IMMP1L: variants seen among roughly 807,000 people sequenced by gnomAD.
IMMP1L encodes mitochondrial inner membrane protease subunit 1.
Under a neutral mutation model 21.8 loss-of-function variants are expected in IMMP1L, and 24 were observed. The observed-to-expected ratio is 1.10, with a 90% confidence interval of 0.80 to 1.55. IMMP1L has a LOEUF of 1.55. Ranked by LOEUF, IMMP1L falls within the 40% of genes most tolerant of loss-of-function variation. IMMP1L has a pLI of 0.00. For missense variants in IMMP1L, 195 were observed against 200.7 expected (o/e 0.97, Z 0.17); for synonymous variants, 46 against 62.8 (o/e 0.73, Z 1.26).
At chr11:31,471,465 T>C (rs1357887882) in intron 1 of IMMP1L, among the ~76,000 whole-genome samples, 2 of 152,176 alleles carry the variant, frequency 1.3e-5, no homozygotes, top group Non-Finnish European at 2.9e-5. Flanking sequence ...TGTTCCATCT[T>C]AAAGATGCTA....
At chr11:31,507,224 G>C (rs932990906) in intron 1 of IMMP1L, among the ~76,000 whole-genome samples, 1 of 147,446 alleles carries the variant, frequency 6.8e-6, no homozygotes, top group African/African-American at 2.5e-5. Flanking sequence ...AGCTTGCAGT[G>C]AGCCGAGATC....
intron 1 of IMMP1L, among the ~76,000 whole-genome samples, chr11:31,490,077 T>C (rs1251027096): frequency 6.6e-6 from 1 of 152,114 alleles, no homozygotes; most frequent in Non-Finnish European, 1.5e-5. Context: ...AAGAGGTAAT[T>C]TAGGATCTTA....
At chr11:31,455,349 T>C (rs1953906300) in intron 4 of IMMP1L, among the ~76,000 whole-genome samples, 2 of 152,186 alleles carry the variant, frequency 1.3e-5, no homozygotes, top group South Asian at 4.1e-4. Context: ...AATTAAGCTA[T>C]AATTATTCAA....
chr11:31,482,077 T>A (rs1319149433), intron 1 of IMMP1L, among the ~76,000 whole-genome samples: 1 of 152,014 alleles, frequency 6.6e-6, no homozygotes, highest in East Asian at 1.9e-4. Flanking sequence ...GCACATAAGG[T>A]GAACATGAAT....
chr11:31,448,775 A>G (rs765479676), intron 4 of IMMP1L, among the ~76,000 whole-genome samples: 1 of 152,238 alleles, frequency 6.6e-6, no homozygotes, highest in African/African-American at 2.4e-5. Flanking sequence ...CTAAGCTCAA[A>G]TTATTCTGAA....
chr11:31,438,378 A>G lies in IMMP1L; in HGVS notation c.322-4808T>C, dbSNP rs568334142. On this transcript the variant is annotated intron_variant, in intron 4 of 5. Transcript: ENST00000532287. ...TTAAAATATGTTGGCCATTTTAAAAATGGGTTATCTTCTTATTCATTGTAC... is the reference window on the plus strand; with the variant it reads ...TTAAAATATGTTGGCCATTTTAAAAGTGGGTTATCTTCTTATTCATTGTAC... Among the ~76,000 whole-genome samples the G allele has an allele frequency of 1.1e-4, 17 of 152,296 alleles. No individual in the cohort carries two copies. The South Asian group carries it at 2.9e-3, about 26-fold the overall frequency.
chr11:31,434,583 A>G (rs1395896336), intron 4 of IMMP1L, among the ~76,000 whole-genome samples: 1 of 152,156 alleles, frequency 6.6e-6, no homozygotes, highest in Non-Finnish European at 1.5e-5. Context: ...ACTGGGTTTA[A>G]TAAGAGATAA....
intron 4 of IMMP1L, among the ~76,000 whole-genome samples, chr11:31,455,421 A>C (rs545781550): frequency 6.6e-6 from 1 of 152,332 alleles, no homozygotes; most frequent in African/African-American, 2.4e-5. Context: ...TCTGTTACAG[A>C]AGCCATGTGA....
At chr11:31,451,497 A>G (rs1473333726) in intron 4 of IMMP1L, among the ~76,000 whole-genome samples, 2 of 152,168 alleles carry the variant, frequency 1.3e-5, no homozygotes, top group Admixed American at 6.5e-5. Flanking sequence ...GATTGGATGT[A>G]GGGTGAAAGA....
chr11:31,506,230 T>A (rs1955774971), intron 1 of IMMP1L, among the ~76,000 whole-genome samples: 1 of 126,646 alleles, frequency 7.9e-6, no homozygotes, highest in Non-Finnish European at 1.6e-5. Flanking sequence ...ATATAACTTT[T>A]TTTTTTTTTT....
At chr11:31,452,149 T>C (rs888108058) in intron 4 of IMMP1L, 1 of 821,430 alleles carries the variant, frequency 1.2e-6, no homozygotes, top group East Asian at 1.2e-4. Flanking sequence ...GTGGAGTAAC[T>C]ATACACAACT....
intron 1 of IMMP1L, chr11:31,473,804 A>G (rs2133720251): frequency 1.0e-6 from 1 of 975,562 alleles, no homozygotes; most frequent in African/African-American, 1.8e-5. Flanking sequence ...AAGAGAAAGC[A>G]TTTCGTTTCA....
At chr11:31,453,162 AAAAC>A (rs1461150648) in intron 4 of IMMP1L, 15 of 1,210,474 alleles carry the variant, frequency 1.2e-5, no homozygotes, top group East Asian at 5.7e-5. Flanking sequence ...TCTGGAATGG[AAAAC>A]AAACAAACAA....
chr11:31,506,892 G>T (rs1412310358), intron 1 of IMMP1L, among the ~76,000 whole-genome samples: 2 of 151,130 alleles, frequency 1.3e-5, no homozygotes, highest in African/African-American at 4.9e-5. Flanking sequence ...CCCAGGAGGC[G>T]GAGGTTGCAG....
intron 4 of IMMP1L, among the ~76,000 whole-genome samples, chr11:31,436,771 C>G (rs1953135629): frequency 6.6e-6 from 1 of 152,036 alleles, no homozygotes; most frequent in African/African-American, 2.4e-5. Flanking sequence ...AGAAAGGAAT[C>G]TTCTAAAAAA....
At chr11:31,485,904 G>A (rs911486488) in intron 1 of IMMP1L, among the ~76,000 whole-genome samples, 1 of 151,798 alleles carries the variant, frequency 6.6e-6, no homozygotes, top group African/African-American at 2.4e-5. Context: ...AATGTATTCT[G>A]TTTAAGAGAA....
At chr11:31,469,718 A>G (rs1412625566) in intron 1 of IMMP1L, 1 of 152,260 alleles carries the variant, frequency 6.6e-6, no homozygotes, top group East Asian at 1.9e-4. Flanking sequence ...CTTAACTCAC[A>G]AACTCAAGAA....
At chr11:31,472,382 G>A (rs780158410) in intron 1 of IMMP1L, among the ~76,000 whole-genome samples, 159 of 152,288 alleles carry the variant, frequency 1.0e-3, no homozygotes, top group Non-Finnish European at 5.7e-4. Context: ...CTTAGGAAGC[G>A]TTGTTCAGCA....
chr11:31,472,754 G>A (rs145155476), intron 1 of IMMP1L, among the ~76,000 whole-genome samples: 313 of 152,238 alleles, frequency 2.1e-3, no homozygotes, highest in African/African-American at 6.8e-3. Flanking sequence ...AAGTATAGGA[G>A]GATCCTCCCC....
Sources: gnomAD v4.1 joint callset for allele counts (sites outside exome capture counted in the v4.1 genomes callset) on GRCh38, gnomAD v4.1.1 for gene constraint, MANE v1.5 for transcripts, NCBI Gene and HGNC (gene_info 2026-07-23, HGNC 2026-07-21) for gene names.